Variants in DLGAP1 observed in about 807,000 individuals in gnomAD.
The protein encoded by DLGAP1 is disks large-associated protein 1.
A neutral mutation model predicts 90.8 loss-of-function variants in DLGAP1; 11 were observed. The ratio of observed to expected loss-of-function variants is 0.12; its 90% CI spans 0.08 to 0.20. DLGAP1 has a LOEUF of 0.20. DLGAP1 is among the 10% of genes least tolerant of loss of function. DLGAP1 has a pLI of 1.00. For missense variants in DLGAP1, 1,050 were observed against 1,333.8 expected (o/e 0.79, Z 3.31); for synonymous variants, 558 against 540.7 (o/e 1.03, Z -0.44).
At chr18:3,862,749 T>G (rs1292339147) in intron 4 of DLGAP1, among the ~76,000 whole-genome samples, 1 of 152,236 alleles carries the variant, frequency 6.6e-6, no homozygotes, top group Non-Finnish European at 1.5e-5. Context: ...GTTACATAAT[T>G]GACTCCTCAA....
intron 4 of DLGAP1, among the ~76,000 whole-genome samples, chr18:3,831,213 C>T (rs1354776702): frequency 3.9e-5 from 6 of 152,164 alleles, no homozygotes; most frequent in African/African-American, 1.4e-4. Context: ...CCAGCAGGGT[C>T]AACTGAACTC....
intron 3 of DLGAP1, among the ~76,000 whole-genome samples, chr18:3,973,778 G>T (rs1259752928): frequency 6.6e-6 from 1 of 152,184 alleles, no homozygotes; most frequent in Non-Finnish European, 1.5e-5. Flanking sequence ...CCAGCTGAGG[G>T]TTCACAAGGA....
At chr18:4,306,426 A>AGTGT (rs60225266) in intron 1 of DLGAP1, among the ~76,000 whole-genome samples, 19 of 130,442 alleles carry the variant, frequency 1.5e-4, no homozygotes, top group South Asian at 2.5e-4. Flanking sequence ...AGAAAGTAAG[A>AGTGT]GTGTGTGTGT....
At chr18:3,802,195 G>C (rs2066335144) in intron 5 of DLGAP1, among the ~76,000 whole-genome samples, 2 of 151,582 alleles carry the variant, frequency 1.3e-5, no homozygotes, top group Admixed American at 1.3e-4. Context: ...ATATTGGCCA[G>C]GCTGGTCTTG....
At chr18:3,764,311 A>C (rs1234633675) in intron 5 of DLGAP1, among the ~76,000 whole-genome samples, 1 of 152,242 alleles carries the variant, frequency 6.6e-6, no homozygotes, top group Non-Finnish European at 1.5e-5. Context: ...CTAGCAAATT[A>C]TTCACTAAGA....
intron 7 of DLGAP1, among the ~76,000 whole-genome samples, chr18:3,605,929 T>C (rs1287269361): frequency 1.3e-5 from 2 of 152,124 alleles, no homozygotes; most frequent in African/African-American, 4.8e-5. Context: ...TGAAAGAGAA[T>C]TCATGAAGAA....
At chr18:3,981,098 G>A (rs1261457879) in intron 3 of DLGAP1, among the ~76,000 whole-genome samples, 8 of 152,178 alleles carry the variant, frequency 5.3e-5, no homozygotes, top group East Asian at 1.9e-4. Flanking sequence ...TTCAAAATGC[G>A]AGAGAATTTA....
chr18:4,419,313 G>A (rs1180658271), intron 1 of DLGAP1, among the ~76,000 whole-genome samples: 1 of 152,050 alleles, frequency 6.6e-6, no homozygotes, highest in African/African-American at 2.4e-5. Flanking sequence ...GGGAATTATG[G>A]GAGCTACAAG....
At chr18:3,920,734 CTTG>C (rs1386164602) in intron 3 of DLGAP1, among the ~76,000 whole-genome samples, 1 of 151,188 alleles carries the variant, frequency 6.6e-6, no homozygotes, top group Non-Finnish European at 1.5e-5. Context: ...TGTAAAAGGT[CTTG>C]TTGACCTGAC....
chr18:4,038,753 T>A (rs2074928978), intron 2 of DLGAP1, among the ~76,000 whole-genome samples: 1 of 152,150 alleles, frequency 6.6e-6, no homozygotes, highest in Non-Finnish European at 1.5e-5. Flanking sequence ...GCCTCTGAGG[T>A]TGGACAGGGA....
intron 3 of DLGAP1, among the ~76,000 whole-genome samples, chr18:3,887,981 G>A (rs1040228458): frequency 1.3e-5 from 2 of 151,492 alleles, no homozygotes; most frequent in Non-Finnish European, 1.5e-5. Context: ...GGTGGCGGGC[G>A]CCTGTAGTCC....
chr18:4,422,151 CAAT>C (rs1318425524), intron 1 of DLGAP1, among the ~76,000 whole-genome samples: 1 of 151,400 alleles, frequency 6.6e-6, no homozygotes, highest in Non-Finnish European at 1.5e-5. Flanking sequence ...ATAAAATGCC[CAAT>C]AATAGGGGCT....
At chr18:3,817,613 G>C (rs3850805) in intron 4 of DLGAP1, among the ~76,000 whole-genome samples, 2 of 152,024 alleles carry the variant, frequency 1.3e-5, no homozygotes, top group Admixed American at 1.3e-4. Context: ...CGATATAATC[G>C]AGTCAGTTTT....
At chr18:4,143,791 C>T (rs139921497) in intron 2 of DLGAP1, among the ~76,000 whole-genome samples, 199 of 152,208 alleles carry the variant, frequency 1.3e-3, no homozygotes, top group African/African-American at 4.3e-3. Flanking sequence ...CTGGCTGTGA[C>T]GGTTGAATAT....
intron 4 of DLGAP1, among the ~76,000 whole-genome samples, chr18:3,867,573 C>G (rs777528198): frequency 6.6e-6 from 1 of 152,236 alleles, no homozygotes; most frequent in East Asian, 1.9e-4. Context: ...TCCTGCCTAG[C>G]ATGGGCACAG....
At chr18:3,703,137 G>A (rs141223181) in intron 7 of DLGAP1, among the ~76,000 whole-genome samples, 275 of 152,272 alleles carry the variant, frequency 1.8e-3, no homozygotes, top group Non-Finnish European at 3.3e-3. Context: ...GCACATGATG[G>A]CACTAGAGGT....
At position 4,030,847 on chromosome 18, in the gene DLGAP1, G is replaced by A. The variant is rs190130030; in HGVS notation, c.-158-25646C>T. Among the ~76,000 whole-genome samples the A allele has an allele frequency of 1.1e-4, 16 of 152,176 alleles. No individual in the cohort carries two copies. The East Asian group carries it at 3.1e-3, about 29-fold the overall frequency. ...TGAGGTGGGAGGATTGCTTGAGCCC[G>A]GGGAGGCGGAGGTTGCAATGAGCTG... On this transcript the variant is annotated intron_variant, in intron 2 of 12. Transcript: ENST00000315677.
chr18:4,157,155 G>A (rs1315380540), intron 1 of DLGAP1, among the ~76,000 whole-genome samples: 1 of 151,708 alleles, frequency 6.6e-6, no homozygotes. Context: ...CGGGCCGTCA[G>A]CTCACTTAAC....
At chr18:3,550,287 A>T (rs941213060) in intron 9 of DLGAP1, among the ~76,000 whole-genome samples, 9 of 152,146 alleles carry the variant, frequency 5.9e-5, no homozygotes, top group African/African-American at 2.2e-4. Context: ...GTGCAGTGGC[A>T]CAATCACGGC....
Sources: gnomAD v4.1 joint callset for allele counts (sites outside exome capture counted in the v4.1 genomes callset) on GRCh38, gnomAD v4.1.1 for gene constraint, MANE v1.5 for transcripts, NCBI Gene and HGNC (gene_info 2026-07-23, HGNC 2026-07-21) for gene names.